Variants in WDR38 observed in about 807,000 individuals in gnomAD.
WDR38 encodes WD repeat domain 38.
In WDR38, 37 loss-of-function variants were observed where a neutral mutation model predicts 36.6. The observed-to-expected ratio is 1.01, with a 90% CI of 0.78 to 1.33. The LOEUF (loss-of-function observed/expected upper bound fraction) is 1.33, where lower values mean the gene tolerates loss of function less well. WDR38 is among the 40% of genes most tolerant of loss of function. The probability of loss-of-function intolerance (pLI) is 0.00; values close to 1 mark genes in which losing one functional copy is unlikely to be tolerated. For synonymous variants in WDR38, 164 were observed against 168.1 expected (o/e 0.98, Z 0.19); for missense variants, 411 against 414.6 (o/e 0.99, Z 0.07).
intron 2 of WDR38, among the ~76,000 whole-genome samples, chr9:124,855,405 G>A (rs560985801): frequency 2.6e-5 from 4 of 152,338 alleles, no homozygotes; most frequent in Middle Eastern, 6.8e-3. Context: ...GTTTCTGGGA[G>A]GTCCCTACTT....
At chr9:124,857,316 C>A (rs377603757) in intron 7 of WDR38, 48 bp from the exon 8 acceptor site, 189 of 1,607,356 alleles carry the variant, frequency 1.2e-4, no homozygotes, top group Non-Finnish European at 1.5e-4. Context: ...GCTTCAGATG[C>A]CACAGTGGCC....
chr9:124,856,326 C>T lies in WDR38; in HGVS notation c.486+6C>T. ...CACCCACGGTGAACTGCCTGGTGAG[C>T]CTACCCTCTGCCCTGGGCCCCACCT... is the stretch of plus-strand genomic sequence containing the variant. On this transcript the variant is annotated splice_donor_region_variant and intron_variant, in intron 5 of 8. Coordinates refer to ENST00000373574, the MANE Select transcript of WDR38 (RefSeq NM_001045476.3). 1 of 1,614,140 alleles carries T rather than the reference C, an allele frequency of 6.2e-7. No homozygotes were observed. Among genetic ancestry groups the T allele is most frequent in the South Asian group, 1.1e-5 (1 of 91,084 alleles).
At position 124,853,554 on chromosome 9, in the gene WDR38, C is replaced by T. The variant is rs1397952612; in HGVS notation, c.23C>T (p.Thr8Met). 5 of 1,250,660 alleles carry T rather than the reference C, an allele frequency of 4.0e-6. No homozygotes were observed. The highest frequency in any genetic ancestry group is 5.0e-6 in the Non-Finnish European group (5 of 990,312). 77.5% of individuals were successfully genotyped at this position (1,250,660 alleles called of 1,614,324 possible). MNSGVPA[T>M]LAVRRVKFFG... Reference sequence around the variant, plus strand: ...CCCATGAACAGCGGGGTCCCGGCCACGCTGGCCGTGCGGAGAGTGAAATTC... The same window carrying T: ...CCCATGAACAGCGGGGTCCCGGCCATGCTGGCCGTGCGGAGAGTGAAATTC... The change falls in exon 1 of 9, where the codon ACG (threonine) becomes ATG (methionine). Residue 8 changes from threonine to methionine, a missense_variant. Transcript: ENST00000373574.
Position 124,855,708 on chromosome 9 carries a change from C to G in WDR38, c.265C>G (p.Leu89Val). Residue 89 changes from leucine to valine, a missense_variant, in exon 3 of 9, where the codon CTG becomes GTG. By Grantham distance (32) the Leu-to-Val change is conservative. Coordinates refer to ENST00000373574, the MANE Select transcript of WDR38 (RefSeq NM_001045476.3). ...CGCCTCCTGTGACTGCACTGTCCGC[C>G]TGTGGGATGTGGCAAGAGCGAAGTG... ...ASASCDCTVRLWDVARAKCLR... is the reference protein window; with the variant it reads ...ASASCDCTVRVWDVARAKCLR... 6.2e-7 allele frequency: 1 copy of G among 1,613,426 alleles called. No homozygotes were observed. Among genetic ancestry groups the G allele is most frequent in the Non-Finnish European group, 8.5e-7 (1 of 1,180,044 alleles).
chr9:124,856,209 G>A (rs1015525966), intron 4 of WDR38, 31 bp from the exon 5 acceptor site: 1 of 1,613,528 alleles, frequency 6.2e-7, no homozygotes, highest in East Asian at 2.2e-5. Flanking sequence ...GCTGCCCTCT[G>A]CTGCCTTCTG....
chr9:124,856,091 C>G, intron 4 of WDR38, 133 bp downstream of exon 4: 1 of 1,508,160 alleles, frequency 6.6e-7, no homozygotes, highest in Non-Finnish European at 9.0e-7. Flanking sequence ...GCAACCAAGG[C>G]TGCCCCCACC....
rs779097587 is a variant in WDR38 at position 124,857,406 on chromosome 9, C to T, written c.811C>T (p.Leu271=). The T allele has an allele frequency of 2.8e-5, 45 of 1,614,046 alleles. No homozygotes were observed. The highest frequency in any genetic ancestry group is 3.3e-4 in the Middle Eastern group (2 of 6,084). ...DCNTGKCLET[L]KGVLDVAHTC... is the part of the protein sequence containing the mutation. ...CAACACAGGAAAGTGCCTTGAGACC[C>T]TGAAGGTAAGGCACGGCGCTGTGGC... is the stretch of plus-strand genomic sequence containing the variant. The change falls in exon 8 of 9, where the codon CTG becomes TTG. Residue 271 remains leucine (L), a synonymous_variant. Coordinates refer to ENST00000373574, the MANE Select transcript of WDR38 (RefSeq NM_001045476.3).
rs1192967133 is a variant in WDR38, at chr9:124,857,380, G to C, written c.785G>C (p.Cys262Ser). The C allele has an allele frequency of 1.2e-6, 2 of 1,613,962 alleles. No homozygotes were observed. The highest frequency in any genetic ancestry group is 1.7e-6 in the Non-Finnish European group (2 of 1,180,022). Reference sequence around the variant, plus strand: ...CTTTTCCAGGTCAAAGTCTGGGACTGCAACACAGGAAAGTGCCTTGAGACC... The same window carrying C: ...CTTTTCCAGGTCAAAGTCTGGGACTCCAACACAGGAAAGTGCCTTGAGACC... ...GYSRMVKVWD[C>S]NTGKCLETLK... Residue 262 changes from cysteine (C) to serine (S), a missense_variant, in exon 8 of 9, where the codon TGC (cysteine) becomes TCC (serine). Transcript: ENST00000373574.
At chr9:124,856,163 G>T (rs1588032470) in intron 4 of WDR38, 77 bp from the exon 5 acceptor site, 1 of 1,596,340 alleles carries the variant, frequency 6.3e-7, no homozygotes, top group Non-Finnish European at 8.6e-7. Context: ...TTTGCACGAG[G>T]TCCCCCTTTC....
In WDR38 at chr9:124,854,211, T is replaced by C. The variant is rs1256513128; in HGVS notation, c.76T>C (p.Ser26Pro). 6.2e-7 allele frequency: 1 copy of C among 1,613,994 alleles called. No individual in the cohort carries two copies. The highest frequency in any genetic ancestry group is 1.3e-5 in the African/African-American group (1 of 74,930). ...GCTTTTGTGCTGTTTCTAGGTCAAC[T>C]CTTCTGCCTTCTCCCCTGATGGCCA... Reference protein sequence around the residue: ...FFGQHGGEVNSSAFSPDGQML... With the variant: ...FFGQHGGEVNPSAFSPDGQML... Residue 26 changes from serine (S) to proline (P), a missense_variant, in exon 2 of 9, where the codon TCT becomes CCT. By Grantham distance (74) the Ser-to-Pro change is moderately conservative. Transcript: ENST00000373574.
At chr9:124,857,048 G>A (rs1829094067) in intron 7 of WDR38, among the ~76,000 whole-genome samples, 167 bp downstream of exon 7, 1 of 152,218 alleles carries the variant, frequency 6.6e-6, no homozygotes, top group Non-Finnish European at 1.5e-5. Context: ...ACCAAGGTTA[G>A]GGCTGGCCCA....
At position 124,854,267 on chromosome 9, in the gene WDR38, CG is replaced by C; in HGVS notation, c.133del (p.Val45CysfsTer22). ...MLLTGSEDGC[V>X]YGWETRSGQL... is the part of the protein sequence containing the mutation. ...TGCTCACAGGCTCAGAAGATGGCTG[CG>C]TGTATGGCTGGGAGACCCGGAGTGG... On this transcript the variant is annotated frameshift_variant, in exon 2 of 9. Transcript: ENST00000373574. LOFTEE classifies it high-confidence loss of function. 1 of 1,614,112 alleles carries C rather than the reference CG, an allele frequency of 6.2e-7. No homozygotes were observed. The highest frequency in any genetic ancestry group is 2.2e-5 in the East Asian group (1 of 44,876).
At position 124,853,482 on chromosome 9, in the gene WDR38, C is replaced by G. The variant is rs993513998; in HGVS notation, c.-50C>G. On this transcript the variant is annotated 5_prime_UTR_variant, in exon 1 of 9. Transcript: ENST00000373574. The stretch of plus-strand genomic sequence containing the variant: ...TTTCCTCTGCCCAGTCCTGGGGTCC[C>G]GCGGCCGCCTAGGAGGGAGCCCGCC... 3.4e-6 allele frequency: 4 copies of G among 1,188,388 alleles called. No homozygotes were observed. The highest frequency in any genetic ancestry group is 4.3e-6 in the Non-Finnish European group (4 of 940,714). 73.6% of individuals were successfully genotyped at this position (1,188,388 alleles called of 1,614,324 possible).
intron 5 of WDR38, 24 bp from the exon 6 acceptor site, chr9:124,856,445 C>T (rs1829069478): frequency 6.2e-7 from 1 of 1,611,942 alleles, no homozygotes; most frequent in Admixed American, 1.7e-5. Flanking sequence ...CTGGCTGGGC[C>T]AGACTCACAG....
Position 124,854,322 on chromosome 9 carries a change from AC to A in WDR38, c.188del (p.Thr63LysfsTer4). The A allele has an allele frequency of 3.1e-6, 5 of 1,613,652 alleles. No homozygotes were observed. In the South Asian group the frequency reaches 3.3e-5, roughly 11 times the overall value. On this transcript the variant is annotated frameshift_variant and splice_region_variant, in exon 2 of 9. Transcript: ENST00000373574. LOFTEE classifies it high-confidence loss of function. ...GQLLWRLGGH[T>X]GPVKFCRFSP... ...GCTGCTGTGGAGGCTGGGTGGCCACACAGGTGGGGCTCCCACACCTGGCCGG... is the reference window on the plus strand; with the variant it reads ...GCTGCTGTGGAGGCTGGGTGGCCACAAGGTGGGGCTCCCACACCTGGCCGG...
rs767184079 is a variant in WDR38 at position 124,856,733 on chromosome 9, C to A, written c.620C>A (p.Ala207Glu). Residue 207 changes from alanine to glutamate, a missense_variant and splice_region_variant, in exon 7 of 9, where the codon GCA becomes GAA. Physicochemically the swap from Ala to Glu is moderately radical, Grantham distance 107 (BLOSUM62 -1). Coordinates refer to ENST00000373574, the MANE Select transcript of WDR38 (RefSeq NM_001045476.3). ...GGATCAGAGCTGTCTGCTGTCCAGG[C>A]ATCCGGCTCCTGGGACAAGACCATC... ...CLCYSASGLL[A>E]SGSWDKTIHI... The A allele has an allele frequency of 2.5e-6, 4 of 1,614,226 alleles. No homozygotes were observed. The highest frequency in any genetic ancestry group is 1.1e-5 in the South Asian group (1 of 91,086).
In WDR38 at chr9:124,853,616, C is replaced by A. The variant is rs371567186; in HGVS notation, c.69+16C>A. 1 of 1,270,250 alleles carries A rather than the reference C, an allele frequency of 7.9e-7. No homozygotes were observed. Among genetic ancestry groups the A allele is most frequent in the Non-Finnish European group, 1.0e-6 (1 of 1,000,386 alleles). 78.7% of individuals were successfully genotyped at this position (1,270,250 alleles called of 1,614,324 possible). The stretch of plus-strand genomic sequence containing the variant: ...CGGCGGGGAGGTGAGGTCCAGCGGG[C>A]TCTGCCCAGACTCCCGGCTTTGGAT... On this transcript the variant is annotated intron_variant, in intron 1 of 8. Coordinates refer to ENST00000373574, the MANE Select transcript of WDR38 (RefSeq NM_001045476.3).
chr9:124,856,982 G>A (rs1449813367), intron 7 of WDR38, 101 bp downstream of exon 7: 1 of 1,542,556 alleles, frequency 6.5e-7, no homozygotes, highest in African/African-American at 1.4e-5. Flanking sequence ...ACTTGCCCTA[G>A]CTAGGAGGGG....
At position 124,856,854 on chromosome 9, in the gene WDR38, G is replaced by A. The variant is rs755264570; in HGVS notation, c.741G>A (p.Trp247Ter). 6 of 1,614,118 alleles carry A rather than the reference G, an allele frequency of 3.7e-6. No individual in the cohort carries two copies. Among genetic ancestry groups the A allele is most frequent in the Non-Finnish European group, 4.2e-6 (5 of 1,180,032 alleles). ...TAGCCTTCTCTCCCGACGAGCTGTG[G>A]CTGGCCAGCGCCGGCTATTCCCGCA... ...KSIAFSPDELWLASAGYSRMV... is the reference protein window; with the variant it reads ...KSIAFSPDEL Residue 247 changes from tryptophan (W) to a stop codon, truncating the protein, a stop_gained, in exon 7 of 9, where the codon TGG becomes TGA. Transcript: ENST00000373574. LOFTEE classifies it high-confidence loss of function.
Sources: allele counts gnomAD v4.1 joint callset (sites outside exome capture counted in the v4.1 genomes callset), GRCh38; gene constraint gnomAD v4.1.1; transcripts MANE v1.5; gene names NCBI Gene and HGNC (gene_info 2026-07-23, HGNC 2026-07-21).